Variants in CNTNAP4 observed in about 807,000 individuals in gnomAD.
The protein encoded by CNTNAP4 is contactin associated protein family member 4, also known as contactin-associated protein-like 4.
Under a neutral mutation model 148.4 loss-of-function variants are expected in CNTNAP4, and 98 were observed. The ratio of observed to expected loss-of-function variants is 0.66; its 90% confidence interval spans 0.56 to 0.78. The LOEUF (loss-of-function observed/expected upper bound fraction) is 0.78. Among genes scored for constraint, CNTNAP4 ranks in the 30% least tolerant of loss-of-function variants. The pLI is 0.00. For synonymous variants in CNTNAP4, 730 were observed against 565.1 expected, an observed-to-expected ratio of 1.29 and a Z score of -4.14; for missense variants, 1,935 against 1,565.6, an observed-to-expected ratio of 1.24 and a Z score of -3.98.
intron 21 of CNTNAP4, among the ~76,000 whole-genome samples, chr16:76,552,268 C>G (rs889902329): frequency 2.6e-5 from 4 of 152,170 alleles, no homozygotes; most frequent in African/African-American, 9.6e-5. Flanking sequence ...CAGGGTCCCT[C>G]CCTTGACACG....
chr16:76,456,965 A>G (rs2080756624), intron 8 of CNTNAP4, among the ~76,000 whole-genome samples: 1 of 152,204 alleles, frequency 6.6e-6, no homozygotes, highest in Non-Finnish European at 1.5e-5. Context: ...GATACTATGC[A>G]TAGAAAGCTC....
intron 17 of CNTNAP4, among the ~76,000 whole-genome samples, chr16:76,522,747 T>TTTTC: frequency 8.9e-6 from 1 of 112,392 alleles, no homozygotes; most frequent in East Asian, 2.2e-4. Flanking sequence ...TTTTCTTTTC[T>TTTTC]TTTCTTTTCT....
intron 3 of CNTNAP4, among the ~76,000 whole-genome samples, chr16:76,382,530 C>T (rs1266986459): frequency 6.6e-6 from 1 of 151,872 alleles, no homozygotes; most frequent in Non-Finnish European, 1.5e-5. Flanking sequence ...TAATAATTTT[C>T]AATTTAAGAG....
intron 2 of CNTNAP4, among the ~76,000 whole-genome samples, chr16:76,334,698 A>G (rs74869111): frequency 3.9e-5 from 6 of 152,130 alleles, no homozygotes; most frequent in Admixed American, 1.3e-4. Context: ...ACAGTATGCT[A>G]TTTGCAAAAT....
intron 19 of CNTNAP4, among the ~76,000 whole-genome samples, chr16:76,538,963 C>G (rs2084334727): frequency 1.3e-5 from 2 of 151,962 alleles, no homozygotes; most frequent in Non-Finnish European, 2.9e-5. Context: ...ATAAGAAAAG[C>G]AAACATACAA....
At chr16:76,490,313 G>C (rs993873477) in intron 13 of CNTNAP4, among the ~76,000 whole-genome samples, 32 of 152,186 alleles carry the variant, frequency 2.1e-4, no homozygotes, top group Non-Finnish European at 4.0e-4. Flanking sequence ...ATTGTTGACA[G>C]CCTCTGGGTA....
chr16:76,558,695 G>A lies in CNTNAP4; in HGVS notation c.*12G>A, dbSNP rs1351054380. The A allele has an allele frequency of 6.3e-7, 1 of 1,583,442 alleles. No individual in the cohort carries two copies. The highest frequency in any genetic ancestry group is 1.4e-5 in the African/African-American group (1 of 73,898). ...AGTACTTCTTCTGATTGGCAGCTAT[G>A]ATTTAACATAAAATTATGATAGTTT... On this transcript the variant is annotated 3_prime_UTR_variant, in exon 24 of 24. Coordinates refer to ENST00000611870, the MANE Select transcript of CNTNAP4 (RefSeq NM_033401.5).
At chr16:76,512,940 T>C (rs1354362036) in intron 15 of CNTNAP4, among the ~76,000 whole-genome samples, 1 of 152,186 alleles carries the variant, frequency 6.6e-6, no homozygotes, top group Non-Finnish European at 1.5e-5. Flanking sequence ...ATGGATGTTA[T>C]AGCGACCTTG....
chr16:76,471,763 G>A (rs76985861), intron 10 of CNTNAP4, among the ~76,000 whole-genome samples: 1 of 152,134 alleles, frequency 6.6e-6, no homozygotes, highest in African/African-American at 2.4e-5. Flanking sequence ...AATACTGAAG[G>A]CATGGCCCTT....
At chr16:76,333,173 A>T (rs758209145) in intron 2 of CNTNAP4, among the ~76,000 whole-genome samples, 2 of 152,198 alleles carry the variant, frequency 1.3e-5, no homozygotes, top group African/African-American at 4.8e-5. Flanking sequence ...AGTAGTCCCC[A>T]GGTCAGGTCG....
At chr16:76,300,057 A>C (rs1399373718) in intron 1 of CNTNAP4, among the ~76,000 whole-genome samples, 1 of 152,108 alleles carries the variant, frequency 6.6e-6, no homozygotes, top group Admixed American at 6.6e-5. Context: ...TGATGAGTTA[A>C]TGGGTGCAGC....
intron 10 of CNTNAP4, among the ~76,000 whole-genome samples, chr16:76,468,768 A>G (rs1457322804): frequency 6.6e-6 from 1 of 152,126 alleles, no homozygotes; most frequent in Non-Finnish European, 1.5e-5. Flanking sequence ...CAAAAATAAT[A>G]ATTAATAGTA....
At chr16:76,477,486 TC>T (rs2081632829) in intron 11 of CNTNAP4, among the ~76,000 whole-genome samples, 1 of 152,132 alleles carries the variant, frequency 6.6e-6, no homozygotes. Context: ...GTGTTTGGAA[TC>T]CTGGGCTCCC....
At chr16:76,291,847 A>G (rs1277299801) in intron 1 of CNTNAP4, among the ~76,000 whole-genome samples, 2 of 152,310 alleles carry the variant, frequency 1.3e-5, no homozygotes, top group African/African-American at 2.4e-5. Context: ...GATGCTTGCC[A>G]TACATTATTT....
At chr16:76,557,223 C>T (rs2085234232) in intron 23 of CNTNAP4, among the ~76,000 whole-genome samples, 1 of 152,184 alleles carries the variant, frequency 6.6e-6, no homozygotes, top group African/African-American at 2.4e-5. Context: ...TTTTATCTTT[C>T]ACAACATATG....
intron 3 of CNTNAP4, among the ~76,000 whole-genome samples, chr16:76,420,786 G>A (rs1269183629): frequency 6.6e-6 from 1 of 151,646 alleles, no homozygotes; most frequent in Non-Finnish European, 1.5e-5. Context: ...TCACCTCTTT[G>A]GGTTTTCTTC....
intron 17 of CNTNAP4, among the ~76,000 whole-genome samples, chr16:76,527,343 G>A (rs983392722): frequency 2.6e-5 from 4 of 152,112 alleles, no homozygotes; most frequent in Non-Finnish European, 2.9e-5. Context: ...TGGTGACTCC[G>A]TGGGTGACTG....
chr16:76,304,642 G>A (rs1960295498), intron 1 of CNTNAP4, among the ~76,000 whole-genome samples: 1 of 152,162 alleles, frequency 6.6e-6, no homozygotes, highest in African/African-American at 2.4e-5. Context: ...GGACTCCATT[G>A]TTAAATGGCT....
intron 3 of CNTNAP4, among the ~76,000 whole-genome samples, chr16:76,399,654 T>C (rs569380027): frequency 2.0e-5 from 3 of 152,326 alleles, no homozygotes; most frequent in South Asian, 4.1e-4. Context: ...ATTTCCTTTT[T>C]CGTTTATAGT....
Sources: allele counts gnomAD v4.1 joint callset (sites outside exome capture counted in the v4.1 genomes callset), GRCh38; gene constraint gnomAD v4.1.1; transcripts MANE v1.5; gene names NCBI Gene and HGNC (gene_info 2026-07-23, HGNC 2026-07-21).